RANBP2: variants seen among roughly 807,000 people sequenced by gnomAD.
RANBP2 encodes RAN binding protein 2.
In RANBP2, 57 loss-of-function variants were observed where a neutral mutation model predicts 303.6. The ratio of observed to expected loss-of-function variants is 0.19; its 90% CI spans 0.15 to 0.23. The LOEUF (loss-of-function observed/expected upper bound fraction) is 0.23, where lower values mean the gene tolerates loss of function less well. Among genes scored for constraint, RANBP2 ranks in the 10% least tolerant of loss-of-function variants. The probability of loss-of-function intolerance (pLI) is 1.00; values close to 1 mark genes in which losing one functional copy is unlikely to be tolerated. For missense variants in RANBP2, 3,138 were observed against 3,780.8 expected (o/e 0.83, Z 4.46); for synonymous variants, 1,167 against 1,301.5 (o/e 0.90, Z 2.23).
At chr2:109,488,875 A>T in the RANBP2 span, among the ~76,000 whole-genome samples, 1 of 152,184 alleles carries the variant, frequency 6.6e-6, no homozygotes, top group Non-Finnish European at 1.5e-5. Context: ...CAGAGGGGAG[A>T]TAGGCCGGGA....
chr2:108,749,237 T>A, intron 9 of RANBP2, 108 bp downstream of exon 9: 1 of 1,557,352 alleles, frequency 6.4e-7, no homozygotes, highest in Non-Finnish European at 8.8e-7. Context: ...ATTCCTTTTG[T>A]GTGTGGGTTG....
the RANBP2 span, among the ~76,000 whole-genome samples, chr2:109,232,607 T>G: frequency 6.6e-6 from 1 of 152,138 alleles, no homozygotes; most frequent in East Asian, 1.9e-4. Context: ...TCTCTGCCCC[T>G]CCTTCTACCC....
intron 12 of RANBP2, among the ~76,000 whole-genome samples, chr2:108,752,496 G>T (rs1263280160): frequency 6.6e-6 from 1 of 151,540 alleles, no homozygotes; most frequent in Admixed American, 6.6e-5. Flanking sequence ...GTAGAGGCCG[G>T]GTGCGGTGGC....
the RANBP2 span, among the ~76,000 whole-genome samples, chr2:109,434,717 C>A: frequency 1.3e-5 from 2 of 152,240 alleles, no homozygotes; most frequent in Admixed American, 6.5e-5. Context: ...TCCCAAGCAG[C>A]CCACTGGCAA....
chr2:108,956,357 C>T, the RANBP2 span, among the ~76,000 whole-genome samples: 1 of 152,192 alleles, frequency 6.6e-6, no homozygotes, highest in Non-Finnish European at 1.5e-5. Flanking sequence ...TCCTCTAAAA[C>T]TTGGAGATGA....
At chr2:109,709,894 C>A in the RANBP2 span, among the ~76,000 whole-genome samples, 33,605 of 151,236 alleles carry the variant, frequency 0.22, 3,865 homozygotes, top group East Asian at 0.31. Context: ...TTGAGTCCAG[C>A]CTGACCTACA....
chr2:109,293,561 A>G, the RANBP2 span, among the ~76,000 whole-genome samples: 13 of 152,192 alleles, frequency 8.5e-5, no homozygotes, highest in Non-Finnish European at 1.9e-4. Context: ...CCACTAGAAA[A>G]CAAAGGGTGT....
At chr2:108,738,153 G>A (rs531823863) in intron 6 of RANBP2, among the ~76,000 whole-genome samples, 7 of 151,730 alleles carry the variant, frequency 4.6e-5, no homozygotes, top group Non-Finnish European at 8.8e-5. Context: ...TCGGCTCACT[G>A]CAAGCTCTGT....
At chr2:109,142,897 A>T in the RANBP2 span, among the ~76,000 whole-genome samples, 1 of 152,154 alleles carries the variant, frequency 6.6e-6, no homozygotes. Flanking sequence ...ATTGTCAAGG[A>T]TGTCGGCTTT....
At chr2:108,839,485 C>T in the RANBP2 span, among the ~76,000 whole-genome samples, 6 of 152,118 alleles carry the variant, frequency 3.9e-5, no homozygotes, top group African/African-American at 1.4e-4. Flanking sequence ...GAATAATTGA[C>T]ATCTTTCCTT....
At chr2:108,865,634 C>G in the RANBP2 span, among the ~76,000 whole-genome samples, 2 of 152,160 alleles carry the variant, frequency 1.3e-5, no homozygotes, top group Non-Finnish European at 2.9e-5. Flanking sequence ...TCTTAATAGT[C>G]CCTAGGCATC....
At chr2:109,180,640 A>G in the RANBP2 span, among the ~76,000 whole-genome samples, 1,222 of 152,280 alleles carry the variant, frequency 8.0e-3, 11 homozygotes, top group East Asian at 0.04. Flanking sequence ...TATAAGGAGA[A>G]ACCCTTTTTG....
the RANBP2 span, among the ~76,000 whole-genome samples, chr2:108,823,407 C>G: frequency 6.6e-6 from 1 of 152,174 alleles, no homozygotes; most frequent in Non-Finnish European, 1.5e-5. Flanking sequence ...AAACTGAATT[C>G]AACAGTACAG....
the RANBP2 span, among the ~76,000 whole-genome samples, chr2:109,520,457 G>A: frequency 6.6e-6 from 1 of 151,660 alleles, no homozygotes. Flanking sequence ...AAAATTAGCC[G>A]GGGGTGGTGG....
chr2:109,429,971 C>T, the RANBP2 span, among the ~76,000 whole-genome samples: 1 of 152,200 alleles, frequency 6.6e-6, no homozygotes, highest in Non-Finnish European at 1.5e-5. Flanking sequence ...CTCCACAGAG[C>T]ACAGCCCACC....
chr2:109,177,551 G>T, the RANBP2 span, among the ~76,000 whole-genome samples: 10 of 151,656 alleles, frequency 6.6e-5, no homozygotes, highest in Admixed American at 5.3e-4. Context: ...ACCTGCTCTG[G>T]GGGGGGGCAC....
At chr2:109,069,803 C>T in the RANBP2 span, among the ~76,000 whole-genome samples, 4 of 152,120 alleles carry the variant, frequency 2.6e-5, no homozygotes, top group African/African-American at 9.7e-5. Context: ...TAGTCTATTC[C>T]TTCAACAATT....
At chr2:108,966,803 T>C in the RANBP2 span, among the ~76,000 whole-genome samples, 1 of 152,204 alleles carries the variant, frequency 6.6e-6, no homozygotes, top group African/African-American at 2.4e-5. Context: ...GAGGATTGAT[T>C]GCCTGGGGAC....
At chr2:108,952,891 CT>C in the RANBP2 span, among the ~76,000 whole-genome samples, 1 of 152,150 alleles carries the variant, frequency 6.6e-6, no homozygotes, top group African/African-American at 2.4e-5. Context: ...TCAGTCTTGA[CT>C]TTTTTCTTTA....
Sources: gnomAD v4.1 joint callset for allele counts (sites outside exome capture counted in the v4.1 genomes callset) on GRCh38, gnomAD v4.1.1 for gene constraint, MANE v1.5 for transcripts, NCBI Gene and HGNC (gene_info 2026-07-23, HGNC 2026-07-21) for gene names.